PRKN: variants seen among roughly 807,000 people sequenced by gnomAD.
PRKN encodes E3 ubiquitin-protein ligase parkin.
Under a neutral mutation model 59.5 loss-of-function variants are expected in PRKN, and 56 were observed. The ratio of observed to expected loss-of-function variants is 0.94; its 90% CI spans 0.76 to 1.18. The LOEUF is 1.18. Among genes scored for constraint, PRKN ranks in the 50% most tolerant of loss-of-function variants. The probability of loss-of-function intolerance (pLI) is 0.00; values close to 1 mark genes in which losing one functional copy is unlikely to be tolerated. For missense variants in PRKN, 657 were observed against 596.4 expected (o/e 1.10, Z -1.06); for synonymous variants, 250 against 222.1 (o/e 1.13, Z -1.12).
chr6:162,659,929 T>G (rs988525370), intron 1 of PRKN, among the ~76,000 whole-genome samples: 2 of 152,148 alleles, frequency 1.3e-5, no homozygotes, highest in Non-Finnish European at 2.9e-5. Context: ...TAAACAAAAT[T>G]TATTTGTCAT....
chr6:161,451,301 C>G lies in PRKN; in HGVS notation c.1084-64424G>C, dbSNP rs116223962. ...CCTCCAGTTTCTTCAATGACTTCCA[C>G]GAGAAGACCTCTCTGGAGAGGTCTG... On this transcript the variant is annotated intron_variant, in intron 9 of 11. Transcript: ENST00000366898. The surrounding 1 kb of genome is among the most constrained non-coding windows in gnomAD (Gnocchi z 5.9). Among the ~76,000 whole-genome samples, 3 of 152,138 alleles carry G rather than the reference C, an allele frequency of 2.0e-5. No individual in the cohort carries two copies. Among genetic ancestry groups the G allele is most frequent in the Non-Finnish European group, 4.4e-5 (3 of 68,018 alleles).
intron 2 of PRKN, among the ~76,000 whole-genome samples, chr6:162,435,032 C>G (rs1220179266): frequency 6.6e-6 from 1 of 152,190 alleles, no homozygotes; most frequent in East Asian, 1.9e-4. Context: ...CAGATAACAT[C>G]AGGTCAATTG....
chr6:162,651,272 G>A (rs770419210), intron 1 of PRKN, among the ~76,000 whole-genome samples: 4 of 152,148 alleles, frequency 2.6e-5, no homozygotes, highest in Admixed American at 1.3e-4. Context: ...CACTGCCACT[G>A]ACTACATTTT....
intron 9 of PRKN, among the ~76,000 whole-genome samples, chr6:161,496,558 T>C (rs1162582856): frequency 5.0e-4 from 76 of 152,214 alleles, no homozygotes; most frequent in Admixed American, 5.0e-3. Flanking sequence ...CTCCCCTTTA[T>C]AAAACCATCA....
chr6:162,518,832 A>C (rs1389249009), intron 1 of PRKN, among the ~76,000 whole-genome samples: 1 of 152,210 alleles, frequency 6.6e-6, no homozygotes, highest in East Asian at 1.9e-4. Flanking sequence ...CACAACAAAG[A>C]AATTACTAAA....
chr6:162,669,329 G>A (rs1216435979), intron 1 of PRKN, among the ~76,000 whole-genome samples: 1 of 152,022 alleles, frequency 6.6e-6, no homozygotes, highest in East Asian at 1.9e-4. Context: ...CATAGTTGAA[G>A]ACATTAAGTG....
intron 2 of PRKN, among the ~76,000 whole-genome samples, chr6:162,421,383 T>C (rs1292587741): frequency 6.6e-6 from 1 of 152,212 alleles, no homozygotes; most frequent in East Asian, 1.9e-4. Flanking sequence ...CTAATTTACC[T>C]GCCATCCCAT....
intron 1 of PRKN, among the ~76,000 whole-genome samples, chr6:162,549,536 C>T (rs1024002806): frequency 2.0e-5 from 3 of 152,006 alleles, no homozygotes; most frequent in Non-Finnish European, 4.4e-5. Context: ...AGTTTCTACA[C>T]ACGTTTGCAA....
chr6:162,095,885 T>G (rs932462209), intron 4 of PRKN, among the ~76,000 whole-genome samples: 1 of 152,162 alleles, frequency 6.6e-6, no homozygotes, highest in African/African-American at 2.4e-5. Flanking sequence ...ACAGCGATAC[T>G]AAGTTCAGAG....
intron 4 of PRKN, among the ~76,000 whole-genome samples, chr6:162,102,783 C>T (rs978031228): frequency 2.1e-5 from 3 of 144,114 alleles, no homozygotes; most frequent in Non-Finnish European, 4.4e-5. Flanking sequence ...GTGGCTCACG[C>T]CTGTAATCCC....
At chr6:162,054,433 C>G (rs1002473274) in intron 4 of PRKN, among the ~76,000 whole-genome samples, 2 of 152,186 alleles carry the variant, frequency 1.3e-5, no homozygotes, top group Admixed American at 6.5e-5. Flanking sequence ...ATAGCCTCCC[C>G]CTACGGCTGA....
chr6:161,431,966 G>C (rs915146940), intron 9 of PRKN, among the ~76,000 whole-genome samples: 1 of 152,122 alleles, frequency 6.6e-6, no homozygotes, highest in Non-Finnish European at 1.5e-5. Flanking sequence ...TCACTTTCTT[G>C]ACAATGTTTG....
intron 1 of PRKN, among the ~76,000 whole-genome samples, chr6:162,558,480 C>G (rs1431206109): frequency 6.6e-6 from 1 of 151,946 alleles, no homozygotes; most frequent in East Asian, 1.9e-4. Flanking sequence ...CAGGCATGCG[C>G]CACCACACCT....
rs1166224848 is a variant in PRKN at position 161,880,124 on chromosome 6, T to C, written c.734+93178A>G. Among the ~76,000 whole-genome samples, 6 of 152,328 alleles carry C rather than the reference T, an allele frequency of 3.9e-5. No individual in the cohort carries two copies. In the South Asian group the frequency reaches 6.2e-4, roughly 16 times the overall value. ...TAGAAAAACACATTCATGGCAATGG[T>C]ATATGTAGATACTGCTATTTCTAAA... On this transcript the variant is annotated intron_variant, in intron 6 of 11. Transcript: ENST00000366898.
In PRKN at chr6:161,499,782, G is replaced by A. The variant is rs115117107; in HGVS notation, c.1083+49072C>T. On this transcript the variant is annotated intron_variant, in intron 9 of 11. Coordinates refer to ENST00000366898, the MANE Select transcript of PRKN (RefSeq NM_004562.3). The surrounding 1 kb of genome is among the most constrained non-coding windows in gnomAD (Gnocchi z 4.2). ...TCATATATTCAGAACCAAGTTCTAC[G>A]AATGGGTAAAGAATTTTTATTCTCT... Among the ~76,000 whole-genome samples, 6 of 150,746 alleles carry A rather than the reference G, an allele frequency of 4.0e-5. No homozygotes were observed. Among genetic ancestry groups the A allele is most frequent in the Admixed American group, 1.3e-4 (2 of 15,202 alleles).
At chr6:162,383,400 G>A (rs1301379973) in intron 2 of PRKN, among the ~76,000 whole-genome samples, 4 of 152,138 alleles carry the variant, frequency 2.6e-5, no homozygotes, top group African/African-American at 9.7e-5. Flanking sequence ...GAGCTCTTGG[G>A]TAACCAGCTG....
chr6:162,220,577 G>A (rs1777881951), intron 3 of PRKN, among the ~76,000 whole-genome samples: 1 of 152,158 alleles, frequency 6.6e-6, no homozygotes, highest in Non-Finnish European at 1.5e-5. Flanking sequence ...TATGCAGTGA[G>A]CATAACCCAA....
chr6:162,552,989 G>A (rs1183770437), intron 1 of PRKN, among the ~76,000 whole-genome samples: 1 of 152,156 alleles, frequency 6.6e-6, no homozygotes, highest in Non-Finnish European at 1.5e-5. Flanking sequence ...AACGAGAGGA[G>A]CATCTAACTG....
intron 1 of PRKN, among the ~76,000 whole-genome samples, chr6:162,691,250 G>A (rs942045038): frequency 4.6e-5 from 7 of 151,888 alleles, no homozygotes; most frequent in African/African-American, 1.7e-4. Context: ...AATTATAAAA[G>A]TAAACACATT....
Sources: gnomAD v4.1 joint callset for allele counts (sites outside exome capture counted in the v4.1 genomes callset) on GRCh38, gnomAD v4.1.1 for gene constraint, Gnocchi (gnomAD v3.1) non-coding constraint, MANE v1.5 for transcripts, NCBI Gene and HGNC (gene_info 2026-07-23, HGNC 2026-07-21) for gene names.